The following QTGAL variants were observed in gnomAD, a reference collection of about 807,000 sequenced individuals.
QTGAL encodes the protein queuosine-tRNA galactosyltransferase, also known as BGnT-like protein 1.
chr17:82,965,087 G>C, the QTGAL span, among the ~76,000 whole-genome samples: 1 of 146,756 alleles, frequency 6.8e-6, no homozygotes, highest in East Asian at 2.0e-4. Context: ...TGGGGAGGAC[G>C]GGGACACGGA....
At chr17:83,039,642 CT>C in the QTGAL span, among the ~76,000 whole-genome samples, 1 of 152,078 alleles carries the variant, frequency 6.6e-6, no homozygotes, top group African/African-American at 2.4e-5. Flanking sequence ...CTGCCCGCCC[CT>C]GTTCTAGACA....
the QTGAL span, among the ~76,000 whole-genome samples, chr17:83,049,647 A>C: frequency 1.3e-5 from 2 of 152,128 alleles, no homozygotes; most frequent in Non-Finnish European, 2.9e-5. Flanking sequence ...GTAACCCCTC[A>C]GCCCACAAAA....
At chr17:83,045,607 C>T in the QTGAL span, among the ~76,000 whole-genome samples, 2 of 152,030 alleles carry the variant, frequency 1.3e-5, no homozygotes, top group African/African-American at 4.8e-5. Flanking sequence ...AATCATAAGC[C>T]TTTTGTGCAT....
At chr17:82,971,124 G>A in the QTGAL span, among the ~76,000 whole-genome samples, 4 of 152,168 alleles carry the variant, frequency 2.6e-5, no homozygotes, top group Non-Finnish European at 5.9e-5. Flanking sequence ...GCCACGCTGG[G>A]GGTCAAATTT....
At chr17:82,977,271 G>A in the QTGAL span, among the ~76,000 whole-genome samples, 18 of 152,302 alleles carry the variant, frequency 1.2e-4, no homozygotes, top group South Asian at 2.3e-3. Context: ...CAGCTGCGGC[G>A]CCGCCCCGAC....
At chr17:82,983,150 C>T in the QTGAL span, among the ~76,000 whole-genome samples, 19 of 152,158 alleles carry the variant, frequency 1.2e-4, no homozygotes, top group East Asian at 1.5e-3. Flanking sequence ...CATGATGGCA[C>T]GTGGCTGTAA....
the QTGAL span, among the ~76,000 whole-genome samples, chr17:83,002,064 T>G: frequency 6.6e-6 from 1 of 152,112 alleles, no homozygotes; most frequent in Non-Finnish European, 1.5e-5. Flanking sequence ...GCCTTTTTTT[T>G]TTTTTTAAAT....
chr17:83,043,068 C>T, the QTGAL span, among the ~76,000 whole-genome samples: 1 of 152,200 alleles, frequency 6.6e-6, no homozygotes, highest in African/African-American at 2.4e-5. Flanking sequence ...AGAAACAGTT[C>T]TACCGTAACA....
the QTGAL span, among the ~76,000 whole-genome samples, chr17:82,992,983 A>G: frequency 6.6e-6 from 1 of 152,216 alleles, no homozygotes; most frequent in Non-Finnish European, 1.5e-5. Context: ...CAAACCATAA[A>G]AAGCAAGAAA....
the QTGAL span, chr17:83,049,043 G>A: frequency 4.5e-6 from 2 of 441,694 alleles, no homozygotes; most frequent in East Asian, 8.9e-5. Flanking sequence ...TACAAGGTCA[G>A]GAGATTGAGA....
chr17:82,956,768 T>C, the QTGAL span: 2 of 1,578,278 alleles, frequency 1.3e-6, no homozygotes, highest in Non-Finnish European at 1.7e-6. The surrounding 1 kb of genome is among the most constrained non-coding windows in gnomAD (Gnocchi z 5.7). Context: ...CTTGGGTCTT[T>C]CCTGAGAGTG....
the QTGAL span, among the ~76,000 whole-genome samples, chr17:82,958,289 C>T: frequency 2.6e-5 from 4 of 152,212 alleles, no homozygotes; most frequent in African/African-American, 4.8e-5. Context: ...CCCCAATGGC[C>T]GCGATGTAGC....
chr17:82,947,111 A>T, the QTGAL span: 2 of 724,808 alleles, frequency 2.8e-6, no homozygotes, highest in Non-Finnish European at 4.5e-6. Context: ...TCCTCTGCTA[A>T]TAGCGGAGAG....
the QTGAL span, among the ~76,000 whole-genome samples, chr17:82,958,775 T>C: frequency 1.4e-5 from 2 of 139,610 alleles, no homozygotes; most frequent in African/African-American, 3.0e-5. Flanking sequence ...TCCCAGTCAG[T>C]GACTTGGGGA....
the QTGAL span, chr17:83,051,608 G>C: frequency 1.0e-6 from 1 of 957,794 alleles, no homozygotes; most frequent in Non-Finnish European, 1.4e-6. Context: ...TCAGGGCGGA[G>C]ACCCCGTAGG....
chr17:83,035,881 T>C, the QTGAL span, among the ~76,000 whole-genome samples: 1 of 101,944 alleles, frequency 9.8e-6, no homozygotes, highest in Non-Finnish European at 2.3e-5. Context: ...ACGTGTGTGA[T>C]GAGCTGGTGG....
the QTGAL span, chr17:83,014,540 T>G: frequency 6.2e-7 from 1 of 1,613,468 alleles, no homozygotes; most frequent in Non-Finnish European, 8.5e-7. Flanking sequence ...GAACACACTT[T>G]CCGTTTGTTT....
At chr17:82,942,661 C>A in the QTGAL span, 1 of 639,392 alleles carries the variant, frequency 1.6e-6, no homozygotes, top group Non-Finnish European at 2.8e-6. Flanking sequence ...CCTCTGCCTT[C>A]ACTTGAACAC....
the QTGAL span, among the ~76,000 whole-genome samples, chr17:83,038,174 C>CT: frequency 6.6e-6 from 1 of 152,228 alleles, no homozygotes; most frequent in East Asian, 1.9e-4. Flanking sequence ...CAATATAACT[C>CT]TCCCTATTCA....
Sources: gnomAD v4.1 joint callset for allele counts (sites outside exome capture counted in the v4.1 genomes callset) on GRCh38, gnomAD v4.1.1 for gene constraint, Gnocchi (gnomAD v3.1) non-coding constraint, MANE v1.5 for transcripts, NCBI Gene and HGNC (gene_info 2026-07-23, HGNC 2026-07-21) for gene names.